The following PTDSS2 variants were observed in gnomAD, a reference collection of about 807,000 sequenced individuals.
PTDSS2 encodes the protein PSS-2.
Under a neutral mutation model 64.7 loss-of-function variants are expected in PTDSS2, and 41 were observed. The ratio of observed to expected loss-of-function variants is 0.63; its 90% confidence interval spans 0.49 to 0.82. PTDSS2 has a LOEUF of 0.82. PTDSS2 is among the 40% of genes least tolerant of loss of function. PTDSS2 has a pLI of 0.00. For missense variants in PTDSS2, 485 were observed against 650.0 expected (o/e 0.75, Z 2.76); for synonymous variants, 297 against 277.8 (o/e 1.07, Z -0.69).
upstream of PTDSS2, among the ~76,000 whole-genome samples, chr11:449,149 C>T (rs1466133233): frequency 6.7e-6 from 1 of 149,674 alleles, no homozygotes; most frequent in African/African-American, 2.5e-5. Flanking sequence ...CTCACTGCAA[C>T]CTCCACCTCC....
chr11:464,353 C>T lies in PTDSS2; in HGVS notation c.284+4065C>T, dbSNP rs1005541204. Among the ~76,000 whole-genome samples the T allele has an allele frequency of 3.9e-5, 6 of 152,218 alleles. 1 individual carries two copies. The South Asian group carries it at 6.2e-4, about 16-fold the overall frequency. The stretch of plus-strand genomic sequence containing the variant: ...ATAATCTGTGTCTGATTCACGCGTA[C>T]GGCTGATGAGTTTTAACAGACTCAG... On this transcript the variant is annotated intron_variant, in intron 2 of 11. Coordinates refer to ENST00000308020, the MANE Select transcript of PTDSS2 (RefSeq NM_030783.3).
At chr11:484,159 C>T (rs7127572) in intron 4 of PTDSS2, among the ~76,000 whole-genome samples, 1,823 of 152,294 alleles carry the variant, frequency 0.012, 47 homozygotes, top group African/African-American at 0.042. Flanking sequence ...TTTATTTCAG[C>T]GCTGCTCTAT....
chr11:488,485 C>T (rs776432960), intron 7 of PTDSS2, 44 bp from the exon 8 acceptor site: 7 of 1,542,384 alleles, frequency 4.5e-6, no homozygotes, highest in African/African-American at 1.4e-5. Context: ...TCGGGGGGCT[C>T]GTTACCCCTC....
At chr11:475,265 G>GTTTGTGTGATACGGACATATTCACGCT (rs1564980002) in intron 3 of PTDSS2, among the ~76,000 whole-genome samples, 2 of 142,406 alleles carry the variant, frequency 1.4e-5, no homozygotes, top group African/African-American at 5.4e-5. Context: ...ATATTCACGC[G>GTTTGTGTGATACGGACATATTCACGCT]TTTGTGATAC....
chr11:486,740 C>T (rs924429836), intron 4 of PTDSS2, among the ~76,000 whole-genome samples, 199 bp from the exon 5 acceptor site: 5 of 152,022 alleles, frequency 3.3e-5, no homozygotes, highest in Non-Finnish European at 7.4e-5. Flanking sequence ...CCCAGCTACT[C>T]GGGAGGCTGA....
intron 4 of PTDSS2, among the ~76,000 whole-genome samples, chr11:485,375 G>A (rs1486921902): frequency 6.9e-6 from 1 of 145,346 alleles, no homozygotes; most frequent in Non-Finnish European, 1.5e-5. Context: ...AACAGTGCAT[G>A]GGCATGTGTG....
At chr11:485,436 C>A (rs1848304639) in intron 4 of PTDSS2, among the ~76,000 whole-genome samples, 1 of 135,598 alleles carries the variant, frequency 7.4e-6, no homozygotes, top group African/African-American at 2.8e-5. Flanking sequence ...TGTGTGCTCA[C>A]CGTGTGCGCA....
At chr11:481,736 G>C (rs1848079120) in intron 4 of PTDSS2, among the ~76,000 whole-genome samples, 1 of 152,024 alleles carries the variant, frequency 6.6e-6, no homozygotes, top group Non-Finnish European at 1.5e-5. Context: ...TAATAGTTGT[G>C]GTGTTTTGGG....
chr11:455,662 C>G (rs1010563349), intron 1 of PTDSS2, among the ~76,000 whole-genome samples: 4 of 152,360 alleles, frequency 2.6e-5, no homozygotes, highest in African/African-American at 9.6e-5. Context: ...AGAGTGCTTG[C>G]TCCTCGCGCT....
rs556197929 is a variant in PTDSS2 at position 484,266 on chromosome 11, GT to G, written c.436-2668del. Among the ~76,000 whole-genome samples, 641 of 152,254 alleles carry G rather than the reference GT, an allele frequency of 4.2e-3. 3 individuals are homozygous for G. Among genetic ancestry groups the G allele is most frequent in the African/African-American group, 0.015 (617 of 41,516 alleles). On this transcript the variant is annotated intron_variant, in intron 4 of 11. Coordinates refer to ENST00000308020, the MANE Select transcript of PTDSS2 (RefSeq NM_030783.3). ...CACGGAGTTCTTGGCTTTTCGTTTTGTTTTTCTGAGGACATCCTGACTTCCT... is the reference window on the plus strand; with the variant it reads ...CACGGAGTTCTTGGCTTTTCGTTTTGTTTTCTGAGGACATCCTGACTTCCT...
At chr11:483,985 C>T (rs1848183834) in intron 4 of PTDSS2, among the ~76,000 whole-genome samples, 1 of 152,196 alleles carries the variant, frequency 6.6e-6, no homozygotes, top group East Asian at 1.9e-4. Flanking sequence ...GTGCAGCCTG[C>T]ATGGAGGGAG....
chr11:448,990 G>C (rs1846207451), upstream of PTDSS2, among the ~76,000 whole-genome samples: 1 of 151,536 alleles, frequency 6.6e-6, no homozygotes, highest in Non-Finnish European at 1.5e-5. Context: ...TGTCTTCATA[G>C]ATTTGCATTT....
intron 4 of PTDSS2, among the ~76,000 whole-genome samples, chr11:486,732 C>T (rs1045227216): frequency 3.3e-5 from 5 of 152,164 alleles, no homozygotes; most frequent in Admixed American, 3.3e-4. Context: ...CCTGTAGTCC[C>T]AGCTACTCGG....
chr11:488,356 G>A, intron 7 of PTDSS2, 44 bp downstream of exon 7: 1 of 1,513,342 alleles, frequency 6.6e-7, no homozygotes, highest in Non-Finnish European at 9.1e-7. Flanking sequence ...GCAGGCTGAG[G>A]GGCATTCTCG....
intron 1 of PTDSS2, among the ~76,000 whole-genome samples, chr11:457,274 A>G (rs974488526): frequency 6.6e-6 from 1 of 152,214 alleles, no homozygotes; most frequent in Non-Finnish European, 1.5e-5. Context: ...CACCGCCACA[A>G]CCACGCTCAC....
At position 470,831 on chromosome 11, in the gene PTDSS2, G is replaced by A. The variant is rs557088513; in HGVS notation, c.285-3064G>A. Among the ~76,000 whole-genome samples, 48 of 151,722 alleles carry A rather than the reference G, an allele frequency of 3.2e-4. No individual in the cohort carries two copies. The highest frequency in any genetic ancestry group is 9.4e-4 in the African/African-American group (39 of 41,338). On this transcript the variant is annotated intron_variant, in intron 2 of 11. Transcript: ENST00000308020. This position sits in a 1 kb window ranked among gnomAD's most constrained non-coding sequence, Gnocchi z 5.3. ...TCTCGAACTCCTGACCTTGTGATCC[G>A]CCTGCCTCAGCCTCCCAAAGTGCTG...
rs965939327 is a variant in PTDSS2, at chr11:460,304, G to C, written c.284+16G>C. 6.2e-7 allele frequency: 1 copy of C among 1,605,636 alleles called. No homozygotes were observed. The highest frequency in any genetic ancestry group is 1.1e-5 in the South Asian group (1 of 90,862). On this transcript the variant is annotated intron_variant, in intron 2 of 11. Transcript: ENST00000308020. The surrounding 1 kb of genome is among the most constrained non-coding windows in gnomAD (Gnocchi z 5.8). Reference sequence around the variant, plus strand: ...ACACCAAGAGGTAAGCTGCCCTCTTGTCCTGCCTTCTGAAACTGCCCTGTG... The same window carrying C: ...ACACCAAGAGGTAAGCTGCCCTCTTCTCCTGCCTTCTGAAACTGCCCTGTG...
chr11:478,552 G>A (rs972620085), intron 3 of PTDSS2, among the ~76,000 whole-genome samples: 1 of 152,076 alleles, frequency 6.6e-6, no homozygotes, highest in African/African-American at 2.4e-5. Flanking sequence ...TTCGAGACCA[G>A]CCTGGCCAAC....
Position 489,653 on chromosome 11 carries a change from C to G in PTDSS2, c.1035C>G (p.Tyr345Ter). Reference protein sequence around the residue: ...KFVLWMPPEHYLVLLRLVFFV... With the variant: ...KFVLWMPPEH ...TGCTGTGGATGCCCCCGGAGCACTA[C>G]CTGGTCCTCCTGCGGCTCGTCTTCT... The change falls in exon 10 of 12, where the codon TAC becomes TAG. Residue 345 changes from tyrosine to a stop codon, truncating the protein, a stop_gained. Coordinates refer to ENST00000308020, the MANE Select transcript of PTDSS2 (RefSeq NM_030783.3). LOFTEE classifies it high-confidence loss of function. 2 of 1,601,242 alleles carry G rather than the reference C, an allele frequency of 1.2e-6. No homozygotes were observed. The highest frequency in any genetic ancestry group is 1.7e-6 in the Non-Finnish European group (2 of 1,173,910).
Sources: gnomAD v4.1 joint callset for allele counts (sites outside exome capture counted in the v4.1 genomes callset) on GRCh38, gnomAD v4.1.1 for gene constraint, Gnocchi (gnomAD v3.1) non-coding constraint, MANE v1.5 for transcripts, NCBI Gene and HGNC (gene_info 2026-07-23, HGNC 2026-07-21) for gene names.